Variants in MYO5A observed in about 807,000 individuals in gnomAD.
MYO5A encodes unconventional myosin-Va.
Under a neutral mutation model 249.7 loss-of-function variants are expected in MYO5A, and 98 were observed. The ratio of observed to expected loss-of-function variants is 0.39; its 90% confidence interval spans 0.33 to 0.46. The LOEUF (loss-of-function observed/expected upper bound fraction) is 0.46. Among genes scored for constraint, MYO5A ranks in the 20% least tolerant of loss-of-function variants. The pLI, the probability that MYO5A is intolerant of heterozygous loss-of-function variation, is 0.98. For synonymous variants in MYO5A, 778 were observed against 810.6 expected, an observed-to-expected ratio of 0.96 and a Z score of 0.68; for missense variants, 1,696 against 2,308.8, an observed-to-expected ratio of 0.73 and a Z score of 5.44.
chr15:52,362,114 A>C (rs1245028533), intron 24 of MYO5A, among the ~76,000 whole-genome samples: 1 of 152,170 alleles, frequency 6.6e-6, no homozygotes, highest in Non-Finnish European at 1.5e-5. Flanking sequence ...GTTCTTGGAG[A>C]AAAATGCTAC....
Position 52,359,970 on chromosome 15 carries a change from C to A in MYO5A, c.3421G>T (p.Glu1141Ter). The A allele has an allele frequency of 6.2e-7, 1 of 1,600,218 alleles. No individual in the cohort carries two copies. The highest frequency in any genetic ancestry group is 8.6e-7 in the Non-Finnish European group (1 of 1,168,270). The change falls in exon 25 of 42, where the codon GAG (glutamate) becomes TAG (stop). Residue 1141 changes from glutamate to a stop codon, truncating the protein, a stop_gained and splice_region_variant. Coordinates refer to ENST00000399233, the MANE Select transcript of MYO5A (RefSeq NM_001382347.1). LOFTEE classifies it high-confidence loss of function. ...AGTGACAGATGTCTAAACTGTACCT[C>A]TGTCCTTGATGGAATGTCTTCCATT... ...AEMEDIPSRTEEPSEKKVPLD... is the reference protein window; with the variant it reads ...AEMEDIPSRT
intron 5 of MYO5A, among the ~76,000 whole-genome samples, chr15:52,415,565 GAAC>G (rs142751131): frequency 0.024 from 3,664 of 151,928 alleles, 65 homozygotes; most frequent in Middle Eastern, 0.054. Flanking sequence ...GTGCTTGACA[GAAC>G]AACAACAACA....
chr15:52,380,788 G>A (rs1233997137), intron 16 of MYO5A, among the ~76,000 whole-genome samples: 1 of 152,026 alleles, frequency 6.6e-6, no homozygotes, highest in Non-Finnish European at 1.5e-5. Flanking sequence ...CAACAACACA[G>A]CACTCCTTTG....
chr15:52,376,256 G>C, intron 19 of MYO5A, 91 bp downstream of exon 19: 1 of 1,197,696 alleles, frequency 8.3e-7, no homozygotes, highest in Non-Finnish European at 1.2e-6. Flanking sequence ...AAGGTGAGGT[G>C]TTATCTTTTC....
At chr15:52,513,317 G>C (rs1223780474) in intron 1 of MYO5A, among the ~76,000 whole-genome samples, 1 of 151,090 alleles carries the variant, frequency 6.6e-6, no homozygotes, top group Non-Finnish European at 1.5e-5. Context: ...TATAATCCCA[G>C]CTACTCAGGA....
At chr15:52,368,180 A>G (rs2040908950) in intron 22 of MYO5A, among the ~76,000 whole-genome samples, 1 of 152,214 alleles carries the variant, frequency 6.6e-6, no homozygotes, top group Non-Finnish European at 1.5e-5. Flanking sequence ...AGAGGGCTCC[A>G]GGGAGCAGGA....
chr15:52,319,436 T>G, intron 38 of MYO5A, 94 bp from the exon 39 acceptor site: 2 of 1,390,422 alleles, frequency 1.4e-6, no homozygotes, highest in Non-Finnish European at 2.0e-6. Flanking sequence ...ACATTCAACT[T>G]AGGAAAATTA....
In MYO5A at chr15:52,308,237, A is replaced by G. The variant is rs572100135; in HGVS notation, c.*5459T>C. 6.6e-6 allele frequency: 1 copy of G among 152,356 alleles called. No individual in the cohort carries two copies. Among genetic ancestry groups the G allele is most frequent in the African/African-American group, 2.4e-5 (1 of 41,594 alleles). The allele number at this position is 152,356 out of a possible 1,614,324, so 9.4% of individuals were successfully genotyped here. ...TTAGATAGACCAAATTACAAATAAA[A>G]AAAGTATAAAAAGCATTTTGGAAGA... On this transcript the variant is annotated 3_prime_UTR_variant, in exon 42 of 42. Coordinates refer to ENST00000399233, the MANE Select transcript of MYO5A (RefSeq NM_001382347.1).
chr15:52,332,880 G>C (rs189248304), intron 34 of MYO5A, among the ~76,000 whole-genome samples: 1 of 152,202 alleles, frequency 6.6e-6, no homozygotes, highest in African/African-American at 2.4e-5. Flanking sequence ...CAGGAGAATC[G>C]CTTGAACCTG....
chr15:52,477,852 A>G (rs2076629466), intron 1 of MYO5A, among the ~76,000 whole-genome samples: 1 of 152,222 alleles, frequency 6.6e-6, no homozygotes. Context: ...TAGGCTACTC[A>G]GGGGTCAGGG....
chr15:52,366,342 T>A (rs562583990), intron 23 of MYO5A, among the ~76,000 whole-genome samples: 1 of 152,206 alleles, frequency 6.6e-6, no homozygotes, highest in East Asian at 1.9e-4. Flanking sequence ...AATACCAGTG[T>A]AATCAACAGA....
At chr15:52,363,744 T>C (rs945573968) in intron 24 of MYO5A, among the ~76,000 whole-genome samples, 3 of 152,196 alleles carry the variant, frequency 2.0e-5, no homozygotes, top group Non-Finnish European at 4.4e-5. Flanking sequence ...TGTTTCCTGA[T>C]AGCAGGATAC....
intron 4 of MYO5A, among the ~76,000 whole-genome samples, chr15:52,423,677 A>T (rs1020264107): frequency 1.3e-5 from 2 of 152,232 alleles, no homozygotes; most frequent in African/African-American, 4.8e-5. Context: ...ATTTATTTAT[A>T]TAAATGGTAA....
chr15:52,523,473 G>GT (rs1297211695), intron 1 of MYO5A, among the ~76,000 whole-genome samples: 1 of 152,170 alleles, frequency 6.6e-6, no homozygotes, highest in African/African-American at 2.4e-5. Flanking sequence ...GCTATTCTGT[G>GT]TAACACTGGG....
At chr15:52,358,050 G>T (rs2040333374) in intron 25 of MYO5A, among the ~76,000 whole-genome samples, 1 of 152,186 alleles carries the variant, frequency 6.6e-6, no homozygotes, top group African/African-American at 2.4e-5. Flanking sequence ...GCAGAACAGG[G>T]ATCATCAGTC....
chr15:52,465,646 G>A (rs186079393), intron 1 of MYO5A, among the ~76,000 whole-genome samples: 195 of 152,200 alleles, frequency 1.3e-3, no homozygotes, highest in African/African-American at 4.5e-3. Flanking sequence ...AACAGAGCAA[G>A]ACCCTGTCTC....
At chr15:52,521,118 C>G (rs1247018125) in intron 1 of MYO5A, among the ~76,000 whole-genome samples, 1 of 151,870 alleles carries the variant, frequency 6.6e-6, no homozygotes. Flanking sequence ...GTCCCAGCTA[C>G]TCGGGAGGCT....
Position 52,396,361 on chromosome 15 carries a change from A to G in MYO5A, c.1356T>C (p.Phe452=). ...GTTTTTCATTTGCATAATTTATGCA[A>G]AACTGTTCAAAACTATTTATCTCAA... The part of the protein sequence containing the change: ...ETFEINSFEQ[F]CINYANEKLQ... The change falls in exon 11 of 42, where the codon TTT becomes TTC. Residue 452 remains phenylalanine (F), a synonymous_variant. Coordinates refer to ENST00000399233, the MANE Select transcript of MYO5A (RefSeq NM_001382347.1). 1 of 1,567,248 alleles carries G rather than the reference A, an allele frequency of 6.4e-7. No individual in the cohort carries two copies. The highest frequency in any genetic ancestry group is 8.8e-7 in the Non-Finnish European group (1 of 1,140,552).
intron 34 of MYO5A, among the ~76,000 whole-genome samples, chr15:52,330,919 G>A (rs561565598): frequency 1.3e-5 from 2 of 152,304 alleles, no homozygotes; most frequent in East Asian, 3.9e-4. Context: ...GGGGCAGAAG[G>A]AGCAGAAACA....
Sources: gnomAD v4.1 joint callset for allele counts (sites outside exome capture counted in the v4.1 genomes callset) on GRCh38, gnomAD v4.1.1 for gene constraint, MANE v1.5 for transcripts, NCBI Gene and HGNC (gene_info 2026-07-23, HGNC 2026-07-21) for gene names.